The following ATP1A2 variants were observed in gnomAD, a reference collection of about 807,000 sequenced individuals.
ATP1A2 encodes sodium/potassium-transporting ATPase subunit alpha-2.
A neutral mutation model predicts 113.1 loss-of-function variants in ATP1A2; 56 were observed. That is an observed-to-expected ratio of 0.49 (90% CI 0.40 to 0.62). The LOEUF is 0.62. Among genes scored for constraint, ATP1A2 ranks in the 20% least tolerant of loss-of-function variants. ATP1A2 has a pLI of 0.00. For synonymous variants in ATP1A2, 490 were observed against 526.8 expected (o/e 0.93, Z 0.96); for missense variants, 712 against 1,357.8 (o/e 0.52, Z 7.47).
At chr1:160,116,801 G>T (rs566980019) in intron 1 of ATP1A2, among the ~76,000 whole-genome samples, 2 of 152,170 alleles carry the variant, frequency 1.3e-5, no homozygotes. Context: ...AGGGGGAGCC[G>T]TGGGTGTTTC....
In ATP1A2 at chr1:160,135,716, C is replaced by G; in HGVS notation, c.2284+114C>G. 1.2e-6 allele frequency: 2 copies of G among 1,609,536 alleles called. No individual in the cohort carries two copies. Among genetic ancestry groups the G allele is most frequent in the Non-Finnish European group, 1.7e-6 (2 of 1,177,062 alleles). On this transcript the variant is annotated intron_variant, in intron 16 of 22. Coordinates refer to ENST00000361216, the MANE Select transcript of ATP1A2 (RefSeq NM_000702.4). The surrounding 1 kb of genome is among the most constrained non-coding windows in gnomAD (Gnocchi z 6.3). ...TTCCACAACTCTAGGCAGCCCAGCC[C>G]ACTTTAGCTTCCCTTGAACACAAAA...
intron 3 of ATP1A2, 67 bp downstream of exon 3, chr1:160,121,318 G>A: frequency 6.3e-7 from 1 of 1,575,770 alleles, no homozygotes; most frequent in East Asian, 2.2e-5. Flanking sequence ...CAAGGTGGCA[G>A]GAGCCTTAAA....
chr1:160,125,159 A>C lies in ATP1A2; in HGVS notation c.654A>C (p.Gly218=), dbSNP rs1212511958. Residue 218 remains glycine, a synonymous_variant, in exon 7 of 23, where the codon GGA becomes GGC. Transcript: ENST00000361216. ...AGGTGGATAACTCATCCTTAACAGG[A>C]GAGTCGGAGCCCCAGACCCGCTCCC... ...GCKVDNSSLT[G]ESEPQTRSPE... The C allele has an allele frequency of 5.6e-6, 9 of 1,613,998 alleles. No homozygotes were observed. Among genetic ancestry groups the C allele is most frequent in the Middle Eastern group, 3.3e-4 (2 of 6,084 alleles).
At position 160,124,065 on chromosome 1, in the gene ATP1A2, G is replaced by GC. The variant is rs1341064196; in HGVS notation, c.495+10dup. Reference sequence around the variant, plus strand: ...AGAACATGGTACCTCAGGTAAGATGGCAGGGCTGGGCTCTGGGCTAGGCTG... The same window carrying GC: ...AGAACATGGTACCTCAGGTAAGATGGCCAGGGCTGGGCTCTGGGCTAGGCTG... On this transcript the variant is annotated intron_variant, in intron 5 of 22. Coordinates refer to ENST00000361216, the MANE Select transcript of ATP1A2 (RefSeq NM_000702.4). 3 of 1,613,414 alleles carry GC rather than the reference G, an allele frequency of 1.9e-6. No individual in the cohort carries two copies. Among genetic ancestry groups the GC allele is most frequent in the Non-Finnish European group, 2.5e-6 (3 of 1,179,462 alleles).
chr1:160,128,744 C>T lies in ATP1A2; in HGVS notation c.1110C>T (p.Thr370=), dbSNP rs747219922. The T allele has an allele frequency of 2.5e-6, 4 of 1,614,058 alleles. No individual in the cohort carries two copies. Among genetic ancestry groups the T allele is most frequent in the Admixed American group, 1.7e-5 (1 of 60,008 alleles). The change falls in exon 9 of 23, where the codon ACC becomes ACT. Residue 370 remains threonine (T), a synonymous_variant. Transcript: ENST00000361216. ...TGGAGACGCTGGGCTCCACGTCCAC[C>T]ATCTGCTCGGACAAGACGGGCACCC... ...EAVETLGSTS[T]ICSDKTGTLT...
chr1:160,124,661 A>G (rs944138388), intron 6 of ATP1A2, among the ~76,000 whole-genome samples: 6 of 152,162 alleles, frequency 3.9e-5, no homozygotes, highest in Non-Finnish European at 8.8e-5. Context: ...TCCACTTTTT[A>G]GCAATCATGT....
intron 22 of ATP1A2, chr1:160,140,631 C>G (rs1208017606): frequency 5.9e-6 from 1 of 168,404 alleles, no homozygotes; most frequent in African/African-American, 2.4e-5. Flanking sequence ...AATCCCATGT[C>G]CACATCTCTG....
rs759047576 is a variant in ATP1A2, at chr1:160,124,053, T to C, written c.492T>C (p.Pro164=). 1.9e-6 allele frequency: 3 copies of C among 1,613,990 alleles called. No homozygotes were observed. Among genetic ancestry groups the C allele is most frequent in the Non-Finnish European group, 2.5e-6 (3 of 1,179,878 alleles). ...TGGATTCCTTCAAGAACATGGTACC[T>C]CAGGTAAGATGGCAGGGCTGGGCTC... ...KIMDSFKNMV[P]QQALVIREGE... Residue 164 remains proline, a synonymous_variant, in exon 5 of 23, where the codon CCT becomes CCC. Transcript: ENST00000361216.
intron 8 of ATP1A2, chr1:160,128,282 T>C: frequency 4.3e-6 from 2 of 460,914 alleles, no homozygotes; most frequent in South Asian, 1.9e-5. Flanking sequence ...CCCTTCCTGC[T>C]CCCCCTACAC....
In ATP1A2 at chr1:160,128,799, A is replaced by T; in HGVS notation, c.1165A>T (p.Met389Leu). ...LTQNRMTVAH[M>L]WFDNQIHEAD... Reference sequence around the variant, plus strand: ...CCAGAACCGCATGACCGTCGCCCACATGTGGTTCGACAACCAAATCCATGA... The same window carrying T: ...CCAGAACCGCATGACCGTCGCCCACTTGTGGTTCGACAACCAAATCCATGA... The change falls in exon 9 of 23, where the codon ATG becomes TTG. Residue 389 changes from methionine to leucine, a missense_variant. Coordinates refer to ENST00000361216, the MANE Select transcript of ATP1A2 (RefSeq NM_000702.4). The T allele has an allele frequency of 1.2e-6, 2 of 1,614,136 alleles. No individual in the cohort carries two copies. The highest frequency in any genetic ancestry group is 8.5e-7 in the Non-Finnish European group (1 of 1,180,006).
At chr1:160,127,955 A>C (rs983611450) in intron 8 of ATP1A2, 135 bp downstream of exon 8, 26 of 1,239,062 alleles carry the variant, frequency 2.1e-5, no homozygotes, top group African/African-American at 3.0e-5. Context: ...ATACTCAGAG[A>C]TCACTTAATA....
At position 160,137,391 on chromosome 1, in the gene ATP1A2, A is replaced by T. The variant is rs555566820; in HGVS notation, c.2840+360A>T. Among the ~76,000 whole-genome samples the T allele has an allele frequency of 4.3e-4, 66 of 152,022 alleles. No individual in the cohort carries two copies. In the Middle Eastern group the frequency reaches 0.01, roughly 24 times the overall value. Reference sequence around the variant, plus strand: ...TTCCGCAGGCAGTCTAGTTTATAGCACTTGCACTGTGGTTCTGGAGGCCAC... The same window carrying T: ...TTCCGCAGGCAGTCTAGTTTATAGCTCTTGCACTGTGGTTCTGGAGGCCAC... On this transcript the variant is annotated intron_variant, in intron 20 of 22. Transcript: ENST00000361216.
intron 3 of ATP1A2, among the ~76,000 whole-genome samples, chr1:160,122,198 G>T (rs1335567118): frequency 1.3e-5 from 2 of 152,036 alleles, no homozygotes; most frequent in Admixed American, 6.6e-5. Flanking sequence ...TTCCCTGACT[G>T]CTCTTTCTAA....
chr1:160,137,164 A>G, intron 20 of ATP1A2, 133 bp downstream of exon 20: 6 of 1,424,106 alleles, frequency 4.2e-6, no homozygotes, highest in Non-Finnish European at 9.8e-7. Context: ...TTCCATCTGT[A>G]TATCCATAGA....
rs1213654514 is a variant in ATP1A2 at position 160,136,905 on chromosome 1, A to G, written c.2714A>G (p.Tyr905Cys). ...LEDSYGQEWT[Y>C]EQRKVVEFTC... is the part of the protein sequence containing the mutation. ...CTCTGCCCACCCTCCCTCCAGACCT[A>G]TGAGCAGCGGAAGGTGGTGGAGTTC... The change falls in exon 20 of 23, where the codon TAT becomes TGT. Residue 905 changes from tyrosine to cysteine, a missense_variant. Physicochemically the swap from Tyr to Cys is radical, Grantham distance 194 (BLOSUM62 -2). Coordinates refer to ENST00000361216, the MANE Select transcript of ATP1A2 (RefSeq NM_000702.4). 2.5e-6 allele frequency: 4 copies of G among 1,613,854 alleles called. No homozygotes were observed. In the African/African-American group the frequency reaches 4.0e-5, roughly 16 times the overall value.
intron 1 of ATP1A2, 101 bp downstream of exon 1, chr1:160,115,974 A>T: frequency 2.6e-6 from 4 of 1,515,862 alleles, no homozygotes; most frequent in Non-Finnish European, 3.6e-6. Context: ...GGGAGAGAGG[A>T]GCTGAGTGGG....
chr1:160,128,369 T>C, intron 8 of ATP1A2: 1 of 784,326 alleles, frequency 1.3e-6, no homozygotes, highest in East Asian at 3.2e-5. Context: ...GCAGTGTCCC[T>C]TCTGTGTTGA....
chr1:160,119,041 C>T (rs1308829198), intron 1 of ATP1A2, among the ~76,000 whole-genome samples: 1 of 151,604 alleles, frequency 6.6e-6, no homozygotes, highest in East Asian at 1.9e-4. Context: ...GGGCTTTGGA[C>T]GATAAAGATG....
chr1:160,141,630 C>T lies in ATP1A2; in HGVS notation c.*308C>T. The stretch of plus-strand genomic sequence containing the variant: ...AAGGGTTACCCCACCCTGCCCACTC[C>T]CATCCCTTCAACCCCACTTCCTACT... On this transcript the variant is annotated 3_prime_UTR_variant, in exon 23 of 23. Transcript: ENST00000361216. The T allele has an allele frequency of 2.3e-6, 1 of 434,734 alleles. No homozygotes were observed. Among genetic ancestry groups the T allele is most frequent in the African/African-American group, 2.0e-5 (1 of 49,904 alleles). 26.9% of individuals were successfully genotyped at this position (434,734 alleles called of 1,614,324 possible).
Sources: gnomAD v4.1 joint callset for allele counts (sites outside exome capture counted in the v4.1 genomes callset) on GRCh38, gnomAD v4.1.1 for gene constraint, Gnocchi (gnomAD v3.1) non-coding constraint, MANE v1.5 for transcripts, NCBI Gene and HGNC (gene_info 2026-07-23, HGNC 2026-07-21) for gene names.